ARID1B: variants seen among roughly 807,000 people sequenced by gnomAD.
ARID1B encodes AT-rich interactive domain-containing protein 1B.
In ARID1B, 30 loss-of-function variants were observed where a neutral mutation model predicts 212.3. The ratio of observed to expected loss-of-function variants is 0.14; its 90% CI spans 0.11 to 0.19. The LOEUF is 0.19. Ranked by LOEUF, ARID1B falls within the 10% of genes least tolerant of loss-of-function variation. The pLI is 1.00. For synonymous variants in ARID1B, 1,402 were observed against 1,301.7 expected (o/e 1.08, Z -1.66); for missense variants, 2,891 against 3,204.0 (o/e 0.90, Z 2.36).
At chr6:157,043,374 T>G (rs1782014968) in intron 4 of ARID1B, among the ~76,000 whole-genome samples, 1 of 152,194 alleles carries the variant, frequency 6.6e-6, no homozygotes, top group South Asian at 2.1e-4. Context: ...AGCACCATCC[T>G]CAGAGCTCAA....
chr6:156,965,045 G>C (rs1225033725), intron 4 of ARID1B, among the ~76,000 whole-genome samples: 3 of 152,176 alleles, frequency 2.0e-5, no homozygotes, highest in Non-Finnish European at 4.4e-5. Context: ...GAGTTACTTT[G>C]TCATTGAATA....
At chr6:156,934,092 G>C (rs749238644) in intron 3 of ARID1B, among the ~76,000 whole-genome samples, 4 of 152,212 alleles carry the variant, frequency 2.6e-5, no homozygotes, top group Non-Finnish European at 5.9e-5. Context: ...ACTTGTATAT[G>C]ATGTTTCTTT....
chr6:156,959,974 T>C (rs1794255788), intron 4 of ARID1B, among the ~76,000 whole-genome samples: 1 of 142,762 alleles, frequency 7.0e-6, no homozygotes, highest in Admixed American at 7.2e-5. Flanking sequence ...TCTGTCGCCC[T>C]GGCTGGAGTG....
chr6:157,032,763 A>T (rs1472557625), intron 4 of ARID1B, among the ~76,000 whole-genome samples: 2 of 152,178 alleles, frequency 1.3e-5, no homozygotes, highest in Non-Finnish European at 2.9e-5. Flanking sequence ...TCTTAGATTG[A>T]TGTGTTTCTT....
chr6:156,865,593 G>T (rs1299232210), intron 2 of ARID1B, among the ~76,000 whole-genome samples: 1 of 151,876 alleles, frequency 6.6e-6, no homozygotes, highest in Non-Finnish European at 1.5e-5. Flanking sequence ...AAGCTCTTAA[G>T]TTTTTTTTAT....
chr6:157,008,361 C>T (rs1251384459), intron 4 of ARID1B, among the ~76,000 whole-genome samples: 2 of 152,152 alleles, frequency 1.3e-5, no homozygotes, highest in Non-Finnish European at 2.9e-5. Context: ...TACTTTTTGT[C>T]TCTCTGAATT....
At chr6:157,000,689 A>G (rs1476136840) in intron 4 of ARID1B, among the ~76,000 whole-genome samples, 1 of 103,724 alleles carries the variant, frequency 9.6e-6, no homozygotes, top group Non-Finnish European at 2.0e-5. Flanking sequence ...ACCCATTTCT[A>G]ATTATTCTTT....
At chr6:157,106,526 A>G (rs1471937462) in intron 5 of ARID1B, among the ~76,000 whole-genome samples, 1 of 152,200 alleles carries the variant, frequency 6.6e-6, no homozygotes, top group South Asian at 2.1e-4. Flanking sequence ...CCTATTTCCT[A>G]GAAGGCCTGA....
chr6:157,039,997 T>C (rs1413217735), intron 4 of ARID1B, among the ~76,000 whole-genome samples: 2 of 151,416 alleles, frequency 1.3e-5, no homozygotes, highest in Non-Finnish European at 2.9e-5. Flanking sequence ...GTCGCCAGGC[T>C]AGAGTTCAGT....
chr6:157,032,474 G>T (rs1781076706), intron 4 of ARID1B, among the ~76,000 whole-genome samples: 2 of 152,100 alleles, frequency 1.3e-5, no homozygotes, highest in Admixed American at 1.3e-4. Flanking sequence ...GGATAAATGG[G>T]CATGAGTATG....
rs1779302436 is a variant in ARID1B at position 156,781,970 on chromosome 6, A to G, written c.1791+2499A>G. ...CATTATGTCCCTATGACCCTTGGGA[A>G]TAGGCTTTTTTTTTTTTTTTTTTTT... On this transcript the variant is annotated intron_variant, in intron 1 of 19. Transcript: ENST00000636930. Among the ~76,000 whole-genome samples the G allele has an allele frequency of 5.8e-5, 7 of 119,764 alleles. No homozygotes were observed. In the Admixed American group the frequency reaches 6.2e-4, roughly 11 times the overall value. 78.6% of individuals were successfully genotyped at this position (119,764 alleles called of 152,430 possible).
chr6:157,061,572 T>C (rs1783344323), intron 4 of ARID1B, among the ~76,000 whole-genome samples: 1 of 149,146 alleles, frequency 6.7e-6, no homozygotes, highest in Non-Finnish European at 1.5e-5. Context: ...TTGTCAGATT[T>C]AGAAAAAAAA....
chr6:157,201,195 G>A lies in ARID1B; in HGVS notation c.4970G>A (p.Arg1657His), dbSNP rs1244601527. The change falls in exon 18 of 20, where the codon CGC becomes CAC. Residue 1657 changes from arginine (R) to histidine (H), a missense_variant. Physicochemically the swap from Arg to His is conservative, Grantham distance 29. Coordinates refer to ENST00000636930, the MANE Select transcript of ARID1B (RefSeq NM_001374828.1). This position sits in a 1 kb window ranked among gnomAD's most constrained non-coding sequence, Gnocchi z 5.2. ...TCAGCCTCCATGCAGCCCATCACACGCCCACCACAGCCGTCCTACCAGACG... is the reference window on the plus strand; with the variant it reads ...TCAGCCTCCATGCAGCCCATCACACACCCACCACAGCCGTCCTACCAGACG... ...SSSASMQPIT[R>H]PPQPSYQTPP... The A allele has an allele frequency of 5.6e-6, 9 of 1,613,564 alleles. No homozygotes were observed. Among genetic ancestry groups the A allele is most frequent in the African/African-American group, 1.3e-5 (1 of 74,902 alleles).
At chr6:156,810,041 G>A (rs1474960333) in intron 1 of ARID1B, among the ~76,000 whole-genome samples, 1 of 152,228 alleles carries the variant, frequency 6.6e-6, no homozygotes. Context: ...CAGGCCCCAT[G>A]TGTGACCTCT....
rs190768001 is a variant in ARID1B at position 156,831,939 on chromosome 6, A to C, written c.1986+2518A>C. ...GGAAACTTTCATAATGAGTTAATCA[A>C]AGTCATGGGTCTAAATAATCTGTAT... On this transcript the variant is annotated intron_variant, in intron 2 of 19. Coordinates refer to ENST00000636930, the MANE Select transcript of ARID1B (RefSeq NM_001374828.1). Among the ~76,000 whole-genome samples, 13 of 152,356 alleles carry C rather than the reference A, an allele frequency of 8.5e-5. 1 individual carries two copies. In the East Asian group the frequency reaches 2.5e-3, roughly 29 times the overall value.
chr6:156,859,453 G>A (rs945136992), intron 2 of ARID1B, among the ~76,000 whole-genome samples: 2 of 152,184 alleles, frequency 1.3e-5, no homozygotes, highest in African/African-American at 4.8e-5. Flanking sequence ...GGAATGGAGA[G>A]CAGGGAGAGT....
At position 157,064,048 on chromosome 6, in the gene ARID1B, G is replaced by A. The variant is rs139294637; in HGVS notation, c.2248-20614G>A. ...AATAATTGGAAGGTTTGTGGCATCCGACTAGGCTAGCCGGAAACCTGCATC... is the reference window on the plus strand; with the variant it reads ...AATAATTGGAAGGTTTGTGGCATCCAACTAGGCTAGCCGGAAACCTGCATC... On this transcript the variant is annotated intron_variant, in intron 4 of 19. Transcript: ENST00000636930. 2.4e-3 allele frequency among the ~76,000 whole-genome samples: 366 copies of A among 152,324 alleles called. 2 individuals are homozygous for A. The highest frequency in any genetic ancestry group is 3.8e-3 in the Non-Finnish European group (257 of 68,018).
intron 2 of ARID1B, among the ~76,000 whole-genome samples, chr6:156,894,974 G>C (rs1332341873): frequency 1.3e-5 from 2 of 152,186 alleles, no homozygotes; most frequent in African/African-American, 4.8e-5. Context: ...GTGGAATACA[G>C]TGATGAACTG....
intron 4 of ARID1B, among the ~76,000 whole-genome samples, chr6:157,044,626 T>C (rs1451604690): frequency 1.3e-5 from 2 of 152,222 alleles, no homozygotes; most frequent in East Asian, 3.8e-4. Flanking sequence ...AAAAGTCCAT[T>C]TGTTTTTAGT....
Sources: gnomAD v4.1 joint callset for allele counts (sites outside exome capture counted in the v4.1 genomes callset) on GRCh38, gnomAD v4.1.1 for gene constraint, Gnocchi (gnomAD v3.1) non-coding constraint, MANE v1.5 for transcripts, NCBI Gene and HGNC (gene_info 2026-07-23, HGNC 2026-07-21) for gene names.